Variants in CAMTA1 observed in about 807,000 individuals in gnomAD.
The protein encoded by CAMTA1 is calmodulin-binding transcription activator 1.
A neutral mutation model predicts 170.9 loss-of-function variants in CAMTA1; 27 were observed. The ratio of observed to expected loss-of-function variants is 0.16; its 90% CI spans 0.12 to 0.22. The LOEUF (loss-of-function observed/expected upper bound fraction) is 0.22. Among genes scored for constraint, CAMTA1 ranks in the 10% least tolerant of loss-of-function variants. The probability of loss-of-function intolerance (pLI) is 1.00; values close to 1 mark genes in which losing one functional copy is unlikely to be tolerated. For synonymous variants in CAMTA1, 833 were observed against 891.5 expected (o/e 0.93, Z 1.17); for missense variants, 1,619 against 2,217.2 (o/e 0.73, Z 5.42).
chr1:7,059,956 C>A (rs1484449149), intron 3 of CAMTA1, among the ~76,000 whole-genome samples: 3 of 152,046 alleles, frequency 2.0e-5, no homozygotes, highest in Admixed American at 6.5e-5. Context: ...GCTGAGGAAC[C>A]CAGGTTTCAG....
chr1:7,305,777 A>G (rs868794225), intron 5 of CAMTA1, among the ~76,000 whole-genome samples: 17 of 152,078 alleles, frequency 1.1e-4, no homozygotes, highest in African/African-American at 3.6e-4. Context: ...TAGTAAGTGT[A>G]TGTTTAACAT....
At chr1:7,082,927 G>C (rs141115190) in intron 3 of CAMTA1, among the ~76,000 whole-genome samples, 1 of 152,188 alleles carries the variant, frequency 6.6e-6, no homozygotes, top group South Asian at 2.1e-4. Flanking sequence ...CTTCCCAGCT[G>C]TATTTCCCAG....
rs543797267 is a variant in CAMTA1, at chr1:7,014,577, C to T, written c.235-76727C>T. ...CAGCCCAAGTATAGGGAGCAATGGC[C>T]GAGCTTCTGTTTTAAGGCAGCAAAA... is the stretch of plus-strand genomic sequence containing the variant. On this transcript the variant is annotated intron_variant, in intron 3 of 22. Coordinates refer to ENST00000303635, the MANE Select transcript of CAMTA1 (RefSeq NM_015215.4). This position sits in a 1 kb window ranked among gnomAD's most constrained non-coding sequence, Gnocchi z 4.2. Among the ~76,000 whole-genome samples, 2 of 152,296 alleles carry T rather than the reference C, an allele frequency of 1.3e-5. No homozygotes were observed. Among genetic ancestry groups the T allele is most frequent in the African/African-American group, 4.8e-5 (2 of 41,576 alleles).
chr1:7,714,163 G>A (rs1014486306), intron 11 of CAMTA1, among the ~76,000 whole-genome samples: 6 of 152,212 alleles, frequency 3.9e-5, no homozygotes, highest in African/African-American at 1.4e-4. Context: ...TTTCATTGCA[G>A]TAAAGAGACT....
intron 4 of CAMTA1, among the ~76,000 whole-genome samples, chr1:7,155,387 T>TG (rs112392921): frequency 0.33 from 39,737 of 120,084 alleles, 5,608 homozygotes; most frequent in African/African-American, 0.39. Flanking sequence ...AGGGCACCGT[T>TG]GGGGGGGGGA....
chr1:7,091,375 A>C lies in CAMTA1; in HGVS notation c.302+4A>C. 1 of 1,607,804 alleles carries C rather than the reference A, an allele frequency of 6.2e-7. No individual in the cohort carries two copies. Among genetic ancestry groups the C allele is most frequent in the South Asian group, 1.1e-5 (1 of 90,930 alleles). ...TAACCACCTCCCCTAAGACAAGGTAATGTCCCAGATCTTGCAGTTTTTCAA... is the reference window on the plus strand; with the variant it reads ...TAACCACCTCCCCTAAGACAAGGTACTGTCCCAGATCTTGCAGTTTTTCAA... On this transcript the variant is annotated splice_donor_region_variant and intron_variant, in intron 4 of 22. Transcript: ENST00000303635.
At chr1:7,511,499 G>A (rs920925840) in intron 6 of CAMTA1, among the ~76,000 whole-genome samples, 2 of 152,110 alleles carry the variant, frequency 1.3e-5, no homozygotes, top group Non-Finnish European at 2.9e-5. Flanking sequence ...AGGATCCTGG[G>A]GTGCCCAGGT....
chr1:7,236,689 C>A (rs1002734115), intron 4 of CAMTA1, among the ~76,000 whole-genome samples: 1 of 152,194 alleles, frequency 6.6e-6, no homozygotes, highest in African/African-American at 2.4e-5. Flanking sequence ...AAAGGGCCCT[C>A]CCCGGCACCT....
chr1:6,876,757 TTGTC>T (rs1031093685), intron 3 of CAMTA1, among the ~76,000 whole-genome samples: 12 of 152,218 alleles, frequency 7.9e-5, no homozygotes, highest in Non-Finnish European at 1.0e-4. Context: ...TTGTTTGTGA[TTGTC>T]TGTCCTAACT....
chr1:7,214,728 G>C (rs1195676068), intron 4 of CAMTA1, among the ~76,000 whole-genome samples: 1 of 152,078 alleles, frequency 6.6e-6, no homozygotes, highest in Non-Finnish European at 1.5e-5. Flanking sequence ...TTGTGCTTTA[G>C]GTGTTAAGTT....
chr1:7,519,354 T>C (rs1286169454), intron 6 of CAMTA1, among the ~76,000 whole-genome samples: 3 of 152,074 alleles, frequency 2.0e-5, no homozygotes, highest in Non-Finnish European at 4.4e-5. Flanking sequence ...TCACGGCAGC[T>C]CCACAGGTGG....
chr1:7,057,456 G>A (rs1234853730), intron 3 of CAMTA1, among the ~76,000 whole-genome samples: 3 of 152,194 alleles, frequency 2.0e-5, no homozygotes, highest in Non-Finnish European at 2.9e-5. Context: ...TTCTCAGGGC[G>A]GCGGGGTGGC....
At chr1:6,956,973 C>A (rs1689567353) in intron 3 of CAMTA1, among the ~76,000 whole-genome samples, 1 of 152,202 alleles carries the variant, frequency 6.6e-6, no homozygotes, top group Non-Finnish European at 1.5e-5. Flanking sequence ...CCCAGCTGAG[C>A]TGCTGCAGTC....
intron 3 of CAMTA1, among the ~76,000 whole-genome samples, chr1:6,872,454 A>T (rs1668682549): frequency 2.0e-5 from 3 of 152,166 alleles, no homozygotes; most frequent in Non-Finnish European, 4.4e-5. Flanking sequence ...TTGCCTCATT[A>T]CCCAAATTCA....
intron 4 of CAMTA1, among the ~76,000 whole-genome samples, chr1:7,132,785 T>A (rs1445646311): frequency 6.6e-6 from 1 of 152,208 alleles, no homozygotes; most frequent in African/African-American, 2.4e-5. Flanking sequence ...CTAAAAACCT[T>A]ACTGAGATTT....
At chr1:7,648,838 G>A (rs2095828034) in intron 7 of CAMTA1, among the ~76,000 whole-genome samples, 1 of 152,212 alleles carries the variant, frequency 6.6e-6, no homozygotes, top group Non-Finnish European at 1.5e-5. Context: ...AGTTTTTTAT[G>A]AAGCTAGGTT....
rs2095362589 is a variant in CAMTA1, at chr1:7,592,460, G to A, written c.511-47940G>A. Reference sequence around the variant, plus strand: ...GGAACAGGACAGATATTCATGGAGTGATTGAATTGGTGATGATTCCAAGCA... The same window carrying A: ...GGAACAGGACAGATATTCATGGAGTAATTGAATTGGTGATGATTCCAAGCA... On this transcript the variant is annotated intron_variant, in intron 6 of 22. Coordinates refer to ENST00000303635, the MANE Select transcript of CAMTA1 (RefSeq NM_015215.4). This position sits in a 1 kb window ranked among gnomAD's most constrained non-coding sequence, Gnocchi z 4.6. Among the ~76,000 whole-genome samples the A allele has an allele frequency of 1.3e-5, 2 of 152,154 alleles. No homozygotes were observed. The highest frequency in any genetic ancestry group is 4.8e-5 in the African/African-American group (2 of 41,438).
At position 7,202,086 on chromosome 1, in the gene CAMTA1, A is replaced by G. The variant is rs145934557; in HGVS notation, c.303-47405A>G. Among the ~76,000 whole-genome samples the G allele has an allele frequency of 1.8e-3, 279 of 152,278 alleles. 2 individuals are homozygous for G. Among genetic ancestry groups the G allele is most frequent in the African/African-American group, 6.4e-3 (268 of 41,560 alleles). ...GTATATGGTGTGAGATAAGGATTCA[A>G]TTTCATTCTTTTGCATGTGACTAGC... On this transcript the variant is annotated intron_variant, in intron 4 of 22. Coordinates refer to ENST00000303635, the MANE Select transcript of CAMTA1 (RefSeq NM_015215.4).
intron 4 of CAMTA1, among the ~76,000 whole-genome samples, chr1:7,220,649 G>A (rs1191916396): frequency 6.6e-6 from 1 of 152,226 alleles, no homozygotes; most frequent in Non-Finnish European, 1.5e-5. Flanking sequence ...CTCCAGAGGA[G>A]GGTTAAGGCC....
Sources: gnomAD v4.1 joint callset for allele counts (sites outside exome capture counted in the v4.1 genomes callset) on GRCh38, gnomAD v4.1.1 for gene constraint, Gnocchi (gnomAD v3.1) non-coding constraint, MANE v1.5 for transcripts, NCBI Gene and HGNC (gene_info 2026-07-23, HGNC 2026-07-21) for gene names.